NRG3: variants seen among roughly 807,000 people sequenced by gnomAD.
NRG3 encodes pro-neuregulin-3, membrane-bound isoform.
Under a neutral mutation model 66.9 loss-of-function variants are expected in NRG3, and 31 were observed. The ratio of observed to expected loss-of-function variants is 0.46; its 90% CI spans 0.35 to 0.63. NRG3 has a LOEUF of 0.63. Ranked by LOEUF, NRG3 falls within the 20% of genes least tolerant of loss-of-function variation. NRG3 has a pLI of 0.00. For synonymous variants in NRG3, 393 were observed against 359.4 expected, an observed-to-expected ratio of 1.09 and a Z score of -1.06; for missense variants, 910 against 878.9, an observed-to-expected ratio of 1.04 and a Z score of -0.45.
chr10:82,188,206 T>C (rs1266519698), intron 1 of NRG3, among the ~76,000 whole-genome samples: 9 of 152,216 alleles, frequency 5.9e-5, no homozygotes, highest in Admixed American at 5.2e-4. Context: ...GAACATACAC[T>C]GTAGAAAAGA....
At chr10:82,503,012 A>G (rs2132361664) in intron 2 of NRG3, among the ~76,000 whole-genome samples, 1 of 152,298 alleles carries the variant, frequency 6.6e-6, no homozygotes, top group South Asian at 2.1e-4. Context: ...AAATGATTAT[A>G]AGGTATTTCT....
chr10:82,343,211 C>G (rs12243543), intron 1 of NRG3, among the ~76,000 whole-genome samples: 3,563 of 152,108 alleles, frequency 0.023, 116 homozygotes, highest in African/African-American at 0.076. Flanking sequence ...AGTAAAGTTT[C>G]AGGATACAAA....
At chr10:81,877,371 A>G (rs542712337) in intron 1 of NRG3, among the ~76,000 whole-genome samples, 3 of 152,168 alleles carry the variant, frequency 2.0e-5, no homozygotes, top group South Asian at 2.1e-4. Flanking sequence ...GTGCAAGGCT[A>G]TTTTGCAAAA....
At chr10:82,838,726 A>G (rs923795672) in intron 3 of NRG3, among the ~76,000 whole-genome samples, 1 of 152,104 alleles carries the variant, frequency 6.6e-6, no homozygotes, top group African/African-American at 2.4e-5. Flanking sequence ...AATTATATAC[A>G]TATACACACA....
intron 1 of NRG3, among the ~76,000 whole-genome samples, chr10:82,137,053 G>T (rs2069417232): frequency 6.6e-6 from 1 of 152,152 alleles, no homozygotes; most frequent in African/African-American, 2.4e-5. Context: ...TTTTCTGGAG[G>T]TGCTTTCTTG....
At chr10:82,435,072 C>T (rs1480276245) in intron 2 of NRG3, among the ~76,000 whole-genome samples, 1 of 152,036 alleles carries the variant, frequency 6.6e-6, no homozygotes, top group Non-Finnish European at 1.5e-5. Context: ...TCTGTCTGGT[C>T]CTAGGCTTTT....
At chr10:82,727,426 A>G (rs1254704141) in intron 2 of NRG3, among the ~76,000 whole-genome samples, 2 of 152,212 alleles carry the variant, frequency 1.3e-5, no homozygotes, top group Non-Finnish European at 2.9e-5. Flanking sequence ...GCCATGACTA[A>G]AAGGGGCCAA....
At chr10:82,248,459 A>C (rs572019126) in intron 1 of NRG3, among the ~76,000 whole-genome samples, 1 of 152,220 alleles carries the variant, frequency 6.6e-6, no homozygotes, top group East Asian at 1.9e-4. Context: ...GAGGTGAAGC[A>C]AGTGTCTGCC....
At chr10:82,001,198 A>G (rs929408785) in intron 1 of NRG3, among the ~76,000 whole-genome samples, 4 of 150,788 alleles carry the variant, frequency 2.7e-5, no homozygotes, top group African/African-American at 9.8e-5. Flanking sequence ...TGTAAGAGAA[A>G]AAAAAAAAAA....
chr10:81,903,972 GTGTA>G (rs1844323103), intron 1 of NRG3, among the ~76,000 whole-genome samples: 1 of 113,358 alleles, frequency 8.8e-6, no homozygotes, highest in Non-Finnish European at 1.6e-5. Context: ...ACTTCAGAGT[GTGTA>G]TATATATATA....
At chr10:82,320,715 A>T (rs539554931) in intron 1 of NRG3, among the ~76,000 whole-genome samples, 1 of 152,186 alleles carries the variant, frequency 6.6e-6, no homozygotes, top group African/African-American at 2.4e-5. Flanking sequence ...TGGACAACAC[A>T]TAAGGAAATA....
intron 3 of NRG3, among the ~76,000 whole-genome samples, chr10:82,802,365 A>G (rs2061078853): frequency 6.6e-6 from 1 of 152,174 alleles, no homozygotes; most frequent in African/African-American, 2.4e-5. Context: ...AACTTTATAA[A>G]TCAGCTTGAG....
At chr10:82,289,141 G>A (rs2079582206) in intron 1 of NRG3, among the ~76,000 whole-genome samples, 3 of 152,134 alleles carry the variant, frequency 2.0e-5, no homozygotes, top group Non-Finnish European at 4.4e-5. Context: ...GTAGGACATT[G>A]ACTTTTTCTC....
intron 4 of NRG3, among the ~76,000 whole-genome samples, chr10:82,916,895 C>A (rs553188115): frequency 6.6e-6 from 1 of 152,172 alleles, no homozygotes; most frequent in Non-Finnish European, 1.5e-5. Flanking sequence ...GGATTACAGG[C>A]GTAAGCCACT....
At chr10:82,357,799 G>A (rs2083879067) in intron 1 of NRG3, among the ~76,000 whole-genome samples, 1 of 152,104 alleles carries the variant, frequency 6.6e-6, no homozygotes, top group Non-Finnish European at 1.5e-5. Context: ...AACAAGAGCG[G>A]TTAATAAGCT....
chr10:82,946,356 T>C (rs1849020818), intron 4 of NRG3, among the ~76,000 whole-genome samples: 1 of 151,758 alleles, frequency 6.6e-6, no homozygotes, highest in East Asian at 1.9e-4. Context: ...CTGGCCAAGA[T>C]TGTGAAACCC....
intron 3 of NRG3, among the ~76,000 whole-genome samples, chr10:82,800,900 A>G (rs2135433278): frequency 6.6e-6 from 1 of 152,264 alleles, no homozygotes; most frequent in African/African-American, 2.4e-5. Context: ...GGCACAATTG[A>G]GCTGGAAAGG....
chr10:82,808,313 C>A (rs1024405031), intron 3 of NRG3, among the ~76,000 whole-genome samples: 2 of 152,044 alleles, frequency 1.3e-5, no homozygotes, highest in Non-Finnish European at 1.5e-5. Context: ...GTGTATCACA[C>A]AGTTAAATCT....
At chr10:82,781,939 A>C (rs2060132962) in intron 3 of NRG3, among the ~76,000 whole-genome samples, 1 of 152,148 alleles carries the variant, frequency 6.6e-6, no homozygotes, top group African/African-American at 2.4e-5. Flanking sequence ...TACTGCCTTC[A>C]TCTCTACTTG....
Sources: gnomAD v4.1 joint callset for allele counts (sites outside exome capture counted in the v4.1 genomes callset) on GRCh38, gnomAD v4.1.1 for gene constraint, MANE v1.5 for transcripts, NCBI Gene and HGNC (gene_info 2026-07-23, HGNC 2026-07-21) for gene names.